Variants in CHLSN observed in about 807,000 individuals in gnomAD.
The protein encoded by CHLSN is protein cholesin.
the CHLSN span, among the ~76,000 whole-genome samples, chr7:1,136,369 A>C: frequency 4.1e-5 from 4 of 97,420 alleles, no homozygotes; most frequent in South Asian, 2.8e-4. Context: ...CATATATATA[A>C]ATATATATAA....
the CHLSN span, among the ~76,000 whole-genome samples, chr7:1,109,913 A>C: frequency 9.6e-3 from 1,459 of 151,912 alleles, 20 homozygotes; most frequent in African/African-American, 0.033. Flanking sequence ...GCAGACTCTA[A>C]CTACCTCCGC....
At chr7:1,011,979 T>C in the CHLSN span, among the ~76,000 whole-genome samples, 1 of 152,074 alleles carries the variant, frequency 6.6e-6, no homozygotes, top group African/African-American at 2.4e-5. Flanking sequence ...GGTGGGGATG[T>C]GGACACCCCC....
At chr7:1,000,666 A>G in the CHLSN span, 2 of 791,636 alleles carry the variant, frequency 2.5e-6, no homozygotes, top group African/African-American at 3.5e-5. Flanking sequence ...ACCAGGTACT[A>G]CACACCAAGG....
chr7:1,117,388 C>T, the CHLSN span, among the ~76,000 whole-genome samples: 1 of 103,350 alleles, frequency 9.7e-6, no homozygotes, highest in Non-Finnish European at 1.8e-5. Context: ...CTTCCATCAC[C>T]AACGCCCACG....
the CHLSN span, among the ~76,000 whole-genome samples, chr7:1,135,912 T>TATATAAGTATATATAA: frequency 1.9e-5 from 2 of 105,380 alleles, no homozygotes; most frequent in Non-Finnish European, 3.4e-5. Context: ...TATATAAAAA[T>TATATAAGTATATATAA]ATATATAAGT....
the CHLSN span, among the ~76,000 whole-genome samples, chr7:1,104,808 C>T: frequency 1.9e-4 from 29 of 152,366 alleles, no homozygotes; most frequent in Middle Eastern, 6.8e-3. Context: ...GCAGCCTCAT[C>T]TGTCCATTCT....
At chr7:1,089,082 G>C in the CHLSN span, among the ~76,000 whole-genome samples, 1 of 152,108 alleles carries the variant, frequency 6.6e-6, no homozygotes, top group Non-Finnish European at 1.5e-5. Flanking sequence ...GCCACGCCAC[G>C]GTCTAATACG....
the CHLSN span, chr7:1,058,445 G>A: frequency 1.3e-6 from 1 of 780,662 alleles, no homozygotes; most frequent in South Asian, 1.3e-5. Flanking sequence ...TCCAACGGCT[G>A]ATGAAAAAGC....
At chr7:1,134,704 T>TA in the CHLSN span, among the ~76,000 whole-genome samples, 1 of 150,498 alleles carries the variant, frequency 6.6e-6, no homozygotes, top group East Asian at 2.0e-4. Context: ...CCGTCTCTAC[T>TA]AAAAAATACA....
chr7:1,085,429 C>G, the CHLSN span, among the ~76,000 whole-genome samples: 1 of 152,132 alleles, frequency 6.6e-6, no homozygotes. Flanking sequence ...AGCTGTGAGG[C>G]CGCGGTGACA....
the CHLSN span, among the ~76,000 whole-genome samples, chr7:1,086,425 A>T: frequency 6.6e-6 from 1 of 152,252 alleles, no homozygotes; most frequent in Non-Finnish European, 1.5e-5. Context: ...ATCCAAATAC[A>T]AAAAGGTACA....
the CHLSN span, among the ~76,000 whole-genome samples, chr7:1,134,537 C>G: frequency 6.6e-6 from 1 of 150,832 alleles, no homozygotes. Context: ...CCACTGCACT[C>G]CAGCATGGGT....
At chr7:1,091,721 G>A in the CHLSN span, 13 of 1,518,934 alleles carry the variant, frequency 8.6e-6, no homozygotes, top group African/African-American at 2.8e-5. Flanking sequence ...GCTGCACGGT[G>A]CAGAGACATG....
chr7:1,082,022 G>T, the CHLSN span: 1 of 152,254 alleles, frequency 6.6e-6, no homozygotes, highest in Non-Finnish European at 1.5e-5. Context: ...ATCCACAAAC[G>T]CCGCCCCGCA....
At chr7:1,100,673 C>T in the CHLSN span, among the ~76,000 whole-genome samples, 2,584 of 152,136 alleles carry the variant, frequency 0.017, 92 homozygotes, top group East Asian at 0.17. Context: ...AAAGTGGGGG[C>T]TGGGGGAGGG....
the CHLSN span, among the ~76,000 whole-genome samples, chr7:1,002,708 T>G: frequency 3.1e-5 from 2 of 63,778 alleles, no homozygotes; most frequent in Admixed American, 1.8e-4. Flanking sequence ...GCCCTGTGGG[T>G]GAGTGGAGCC....
At chr7:1,054,600 C>A in the CHLSN span, among the ~76,000 whole-genome samples, 85 of 152,372 alleles carry the variant, frequency 5.6e-4, 2 homozygotes, top group Non-Finnish European at 1.0e-4. Flanking sequence ...CAGACGCTGG[C>A]TGCCTCCCTC....
chr7:1,002,686 C>CGGGTGAGTGGAGCCCTGT, the CHLSN span, among the ~76,000 whole-genome samples: 1 of 38,002 alleles, frequency 2.6e-5, no homozygotes. Flanking sequence ...TGGAGTCCTG[C>CGGGTGAGTGGAGCCCTGT]GGGTGAGTGG....
chr7:990,341 TGGGGGCG>T, the CHLSN span, among the ~76,000 whole-genome samples: 1 of 73,110 alleles, frequency 1.4e-5, no homozygotes, highest in Non-Finnish European at 2.7e-5. Context: ...GCGCGTGTGC[TGGGGGCG>T]GTGTGGTCGG....
Sources: gnomAD v4.1 joint callset for allele counts (sites outside exome capture counted in the v4.1 genomes callset) on GRCh38, gnomAD v4.1.1 for gene constraint, MANE v1.5 for transcripts, NCBI Gene and HGNC (gene_info 2026-07-23, HGNC 2026-07-21) for gene names.